PPP1R13B: variants seen among roughly 807,000 people sequenced by gnomAD.
The protein encoded by PPP1R13B is apoptosis-stimulating of p53 protein 1.
Under a neutral mutation model 119.8 loss-of-function variants are expected in PPP1R13B, and 44 were observed. The ratio of observed to expected loss-of-function variants is 0.37; its 90% confidence interval spans 0.29 to 0.47. The LOEUF is 0.47. Among genes scored for constraint, PPP1R13B ranks in the 20% least tolerant of loss-of-function variants. The pLI is 0.99. For synonymous variants in PPP1R13B, 542 were observed against 561.5 expected (o/e 0.97, Z 0.49); for missense variants, 1,227 against 1,413.5 (o/e 0.87, Z 2.12).
chr14:103,822,991 C>A (rs1323299730), intron 1 of PPP1R13B, among the ~76,000 whole-genome samples: 3 of 151,954 alleles, frequency 2.0e-5, no homozygotes, highest in Non-Finnish European at 4.4e-5. Context: ...CCAGGGATGA[C>A]CCCAAAAGCC....
chr14:103,763,188 A>G lies in PPP1R13B; in HGVS notation c.355-5437T>C, dbSNP rs544937959. 1.6e-4 allele frequency: 94 copies of G among 590,112 alleles called. 1 individual carries two copies. The South Asian group carries it at 1.9e-3, about 12-fold the overall frequency. The allele number at this position is 590,112 out of a possible 1,614,324, so 36.6% of individuals were successfully genotyped here. On this transcript the variant is annotated intron_variant, in intron 4 of 16. Coordinates refer to ENST00000202556, the MANE Select transcript of PPP1R13B (RefSeq NM_015316.3). ...GGACCCGGATTTCAGAAACAATAAA[A>G]TGTGGAATGTGTCCATGAAATAGGG...
At chr14:103,811,685 CTAAA>C (rs893849337) in intron 1 of PPP1R13B, among the ~76,000 whole-genome samples, 4 of 152,094 alleles carry the variant, frequency 2.6e-5, no homozygotes, top group African/African-American at 4.8e-5. Flanking sequence ...GAGACCGTCA[CTAAA>C]TAAATAAATA....
Position 103,845,970 on chromosome 14 carries a change from G to T in PPP1R13B, c.9+1329C>A, listed in dbSNP as rs117674709. On this transcript the variant is annotated intron_variant, in intron 1 of 16. Coordinates refer to ENST00000202556, the MANE Select transcript of PPP1R13B (RefSeq NM_015316.3). ...CATCCTATTTGATCCTCAGGACAGC[G>T]CTCAGATATTGGTACATTTTTATCC... is the stretch of plus-strand genomic sequence containing the variant. Among the ~76,000 whole-genome samples the T allele has an allele frequency of 4.3e-3, 659 of 152,232 alleles. 3 individuals carry two copies. Among genetic ancestry groups the T allele is most frequent in the South Asian group, 0.011 (54 of 4,814 alleles).
Position 103,757,723 on chromosome 14 carries a change from A to C in PPP1R13B, c.383T>G (p.Leu128Arg). 2 of 1,614,084 alleles carry C rather than the reference A, an allele frequency of 1.2e-6. No individual in the cohort carries two copies. The highest frequency in any genetic ancestry group is 1.7e-6 in the Non-Finnish European group (2 of 1,179,964). The part of the protein sequence containing the change: ...GVGNPRVELT[L>R]SELQDMAARQ... Reference sequence around the variant, plus strand: ...AGCTGCCATATCTTGGAGCTCTGAGAGGGTAAGTTCAACACGTGGATTCCC... The same window carrying C: ...AGCTGCCATATCTTGGAGCTCTGAGCGGGTAAGTTCAACACGTGGATTCCC... Residue 128 changes from leucine to arginine, a missense_variant, in exon 5 of 17, where the codon CTC (leucine) becomes CGC (arginine). By Grantham distance (102) the Leu-to-Arg change is moderately radical (BLOSUM62 -2). Coordinates refer to ENST00000202556, the MANE Select transcript of PPP1R13B (RefSeq NM_015316.3).
chr14:103,775,912 T>C (rs1406259422), intron 4 of PPP1R13B, among the ~76,000 whole-genome samples: 1 of 151,878 alleles, frequency 6.6e-6, no homozygotes, highest in Non-Finnish European at 1.5e-5. Flanking sequence ...TCTCCCTGAG[T>C]GGCAGAAGGA....
upstream of PPP1R13B, chr14:103,847,696 C>T: frequency 3.5e-6 from 3 of 867,048 alleles, no homozygotes; most frequent in Non-Finnish European, 4.2e-6. Flanking sequence ...GGGAGAGGGG[C>T]GGGGCTTCCC....
intron 2 of PPP1R13B, among the ~76,000 whole-genome samples, chr14:103,796,927 A>T (rs2085772361): frequency 6.6e-6 from 1 of 152,170 alleles, no homozygotes; most frequent in African/African-American, 2.4e-5. Context: ...ACTGCACTCC[A>T]GCCTGTGGGA....
chr14:103,831,911 G>C (rs1380115778), intron 1 of PPP1R13B, among the ~76,000 whole-genome samples: 2 of 151,768 alleles, frequency 1.3e-5, no homozygotes, highest in Admixed American at 6.6e-5. Context: ...ACTCCAGCCT[G>C]GGTGACAGAG....
At chr14:103,807,166 C>T (rs970090229) in intron 1 of PPP1R13B, among the ~76,000 whole-genome samples, 12 of 152,190 alleles carry the variant, frequency 7.9e-5, no homozygotes, top group African/African-American at 2.7e-4. Context: ...CTGCATAGAC[C>T]GCTTCACTCA....
chr14:103,844,502 G>A (rs566815067), intron 1 of PPP1R13B, among the ~76,000 whole-genome samples: 1 of 152,180 alleles, frequency 6.6e-6, no homozygotes, highest in East Asian at 1.9e-4. Flanking sequence ...GGCCAAGGTG[G>A]GCAGATCACC....
At chr14:103,847,579 G>A (rs1165700926), upstream of PPP1R13B, 6 of 982,878 alleles carry the variant, frequency 6.1e-6, no homozygotes, top group Non-Finnish European at 7.2e-6. Context: ...ACAGCCTGCG[G>A]CCCGCCCGCC....
chr14:103,756,933 TA>T, intron 5 of PPP1R13B, among the ~76,000 whole-genome samples: 1 of 147,796 alleles, frequency 6.8e-6, no homozygotes, highest in East Asian at 2.0e-4. Context: ...TAATTTTTTT[TA>T]AATATTTTTA....
intron 1 of PPP1R13B, among the ~76,000 whole-genome samples, chr14:103,806,022 T>C (rs573046005): frequency 5.3e-5 from 8 of 152,298 alleles, no homozygotes; most frequent in Admixed American, 4.6e-4. Context: ...TTACGGCACA[T>C]AAATTATAAC....
At chr14:103,825,316 T>A (rs1435786012) in intron 1 of PPP1R13B, among the ~76,000 whole-genome samples, 3 of 152,098 alleles carry the variant, frequency 2.0e-5, no homozygotes, top group African/African-American at 7.2e-5. Flanking sequence ...CTCTAAGTGC[T>A]CAAGTGAAAG....
At chr14:103,765,035 G>A (rs2084907042) in intron 4 of PPP1R13B, among the ~76,000 whole-genome samples, 1 of 152,150 alleles carries the variant, frequency 6.6e-6, no homozygotes, top group Non-Finnish European at 1.5e-5. Context: ...AGCCAGGATG[G>A]TCTCGATCTC....
intron 1 of PPP1R13B, among the ~76,000 whole-genome samples, chr14:103,842,708 G>C (rs1331673658): frequency 6.6e-6 from 1 of 151,004 alleles, no homozygotes; most frequent in Non-Finnish European, 1.5e-5. Flanking sequence ...GGGCTCGGTG[G>C]CTCACACCTG....
chr14:103,781,733 G>GAT (rs1307920926), intron 3 of PPP1R13B, among the ~76,000 whole-genome samples: 1 of 150,562 alleles, frequency 6.6e-6, no homozygotes, highest in African/African-American at 2.4e-5. Flanking sequence ...CTCGCTGCAA[G>GAT]CTCTGCCTCC....
Position 103,784,862 on chromosome 14 carries a change from A to T in PPP1R13B, c.210T>A (p.Gly70=). ...AAAATTTCACTTCTTCCCTCCGTGG[A>T]CCCCATTTCTGAAGATGTTCGTACA... ...HMMYEHLQKW[G]PRREEVKFFL... Residue 70 remains glycine, a synonymous_variant, in exon 3 of 17, where the codon GGT becomes GGA. Transcript: ENST00000202556. The T allele has an allele frequency of 6.2e-7, 1 of 1,608,082 alleles. No homozygotes were observed. Among genetic ancestry groups the T allele is most frequent in the Non-Finnish European group, 8.5e-7 (1 of 1,175,632 alleles).
chr14:103,789,594 A>AT (rs1052528256), intron 2 of PPP1R13B, among the ~76,000 whole-genome samples: 1 of 149,986 alleles, frequency 6.7e-6, no homozygotes, highest in Admixed American at 6.7e-5. Context: ...GGCTTATACA[A>AT]CCTCTGTCTC....
Sources: allele counts gnomAD v4.1 joint callset (sites outside exome capture counted in the v4.1 genomes callset), GRCh38; gene constraint gnomAD v4.1.1; transcripts MANE v1.5; gene names NCBI Gene and HGNC (gene_info 2026-07-23, HGNC 2026-07-21).